RP2: variants seen among roughly 807,000 people sequenced by gnomAD.
RP2 encodes protein XRP2.
A neutral mutation model predicts 20.3 loss-of-function variants in RP2; 3 were observed. The observed-to-expected ratio is 0.15, with a 90% CI of 0.07 to 0.38. The LOEUF is 0.38. Ranked by LOEUF, RP2 falls within the 10% of genes least tolerant of loss-of-function variation. The pLI is 1.00. For synonymous variants in RP2, 75 were observed against 94.8 expected (o/e 0.79, Z 1.22); for missense variants, 233 against 268.5 (o/e 0.87, Z 0.92).
At chrX:46,871,277 C>T (rs1156771879) in intron 3 of RP2, among the ~76,000 whole-genome samples, 4 of 110,790 alleles carry the variant, frequency 3.6e-5, no homozygotes, top group African/African-American at 6.6e-5. Flanking sequence ...CCGCCTCAGC[C>T]TCCCAAAGTG....
Position 46,870,140 on chromosome X carries a change from C to T in RP2, c.884-7365C>T, listed in dbSNP as rs371236732. On this transcript the variant is annotated intron_variant, in intron 3 of 4. Coordinates refer to ENST00000218340, the MANE Select transcript of RP2 (RefSeq NM_006915.3). Reference sequence around the variant, plus strand: ...TTATTTTTTTGGAGACAGGGTCTTGCTCTGTCAGCCAGGGTAGAGTGCAGT... The same window carrying T: ...TTATTTTTTTGGAGACAGGGTCTTGTTCTGTCAGCCAGGGTAGAGTGCAGT... Among the ~76,000 whole-genome samples, 9 of 111,029 alleles carry T rather than the reference C, an allele frequency of 8.1e-5. No homozygotes were observed. In the East Asian group the frequency reaches 2.0e-3, roughly 25 times the overall value.
chrX:46,865,745 T>C (rs1925159270), intron 3 of RP2, among the ~76,000 whole-genome samples: 1 of 111,225 alleles, frequency 9.0e-6, no homozygotes, highest in African/African-American at 3.3e-5. Flanking sequence ...CTGGCCAACA[T>C]GGTGAAACCC....
intron 3 of RP2, among the ~76,000 whole-genome samples, chrX:46,871,460 G>A (rs1203725319): frequency 8.9e-6 from 1 of 112,086 alleles, no homozygotes; most frequent in Admixed American, 9.5e-5. Context: ...CTTGATCCAC[G>A]GATTATTTAG....
chrX:46,878,513 C>G (rs909589517), intron 4 of RP2, among the ~76,000 whole-genome samples: 26 of 111,480 alleles, frequency 2.3e-4, no homozygotes, highest in African/African-American at 8.5e-4. Flanking sequence ...CTATAATTGA[C>G]TACTTTTTGA....
At chrX:46,857,098 C>T (rs1556319350) in intron 2 of RP2, among the ~76,000 whole-genome samples, 1 of 110,049 alleles carries the variant, frequency 9.1e-6, no homozygotes. Flanking sequence ...AGGAGGATTA[C>T]AGAATTTTGT....
Position 46,854,790 on chromosome X carries a change from G to T in RP2, c.768+649G>T, listed in dbSNP as rs372395692. 8.9e-4 allele frequency among the ~76,000 whole-genome samples: 98 copies of T among 109,933 alleles called. 1 individual carries two copies. The South Asian group carries it at 0.035, about 40-fold the overall frequency. On this transcript the variant is annotated intron_variant, in intron 2 of 4. Coordinates refer to ENST00000218340, the MANE Select transcript of RP2 (RefSeq NM_006915.3). ...AATGCAATTTTTTTTTTTTGTGACG[G>T]GGTCTTGCTCTGTCACCCAGCCGGA... is the stretch of plus-strand genomic sequence containing the variant.
At chrX:46,868,384 G>A (rs2147086206) in intron 3 of RP2, among the ~76,000 whole-genome samples, 1 of 109,783 alleles carries the variant, frequency 9.1e-6, no homozygotes, top group African/African-American at 3.3e-5. Flanking sequence ...AAAATGAGCC[G>A]AGCATGGTGT....
rs1602356421 is a variant in RP2 at position 46,880,701 on chromosome X, A to G, written c.*932A>G. 8.9e-6 allele frequency: 1 copy of G among 112,394 alleles called. No homozygotes were observed. The highest frequency in any genetic ancestry group is 9.5e-5 in the Admixed American group (1 of 10,521). The allele number at this position is 112,394 out of a possible 1,213,427, so 9.3% of individuals were successfully genotyped here. On this transcript the variant is annotated 3_prime_UTR_variant, in exon 5 of 5. Transcript: ENST00000218340. Reference sequence around the variant, plus strand: ...TGATTTTTCATTAGATATGCCATTCATATCAAGTAATGTTCAAGTATGATA... The same window carrying G: ...TGATTTTTCATTAGATATGCCATTCGTATCAAGTAATGTTCAAGTATGATA...
chrX:46,858,917 C>T (rs2147082936), intron 2 of RP2, among the ~76,000 whole-genome samples: 1 of 111,783 alleles, frequency 8.9e-6, no homozygotes, highest in South Asian at 3.7e-4. Flanking sequence ...TTTTAGGAAT[C>T]ATTTTTAAAT....
intron 2 of RP2, among the ~76,000 whole-genome samples, chrX:46,855,999 G>A (rs1924953207): frequency 9.0e-6 from 1 of 111,259 alleles, no homozygotes; most frequent in African/African-American, 3.3e-5. Context: ...TTTCTCTTTT[G>A]CTTATGCCTA....
chrX:46,879,616 G>C, intron 4 of RP2, 70 bp from the exon 5 acceptor site: 1 of 639,499 alleles, frequency 1.6e-6, no homozygotes, highest in East Asian at 3.5e-5. Flanking sequence ...TTGTTCTGTG[G>C]AGAACATGGG....
chrX:46,860,779 T>C (rs1281451812), intron 3 of RP2, among the ~76,000 whole-genome samples: 13 of 111,997 alleles, frequency 1.2e-4, no homozygotes, highest in Non-Finnish European at 1.9e-5. Flanking sequence ...TTTCCTTGAC[T>C]GGCCTGAGCA....
chrX:46,840,173 T>A (rs889856375), intron 1 of RP2, among the ~76,000 whole-genome samples: 1 of 112,057 alleles, frequency 8.9e-6, no homozygotes, highest in African/African-American at 3.2e-5. Context: ...AGAGACAGGG[T>A]TTCACCTTGT....
At chrX:46,871,021 CT>C (rs58549261) in intron 3 of RP2, among the ~76,000 whole-genome samples, 186 of 77,344 alleles carry the variant, frequency 2.4e-3, no homozygotes, top group South Asian at 5.5e-3. Flanking sequence ...ACGCTCATTC[CT>C]TTTTTTTTTT....
intron 1 of RP2, among the ~76,000 whole-genome samples, chrX:46,843,083 C>G (rs899701747): frequency 6.6e-5 from 7 of 105,710 alleles, no homozygotes; most frequent in African/African-American, 2.4e-4. Context: ...TCTCAGCTCA[C>G]TGCAAGCTCC....
intron 3 of RP2, among the ~76,000 whole-genome samples, chrX:46,866,953 C>T (rs185634841): frequency 1.8e-5 from 2 of 111,788 alleles, no homozygotes; most frequent in African/African-American, 6.5e-5. Context: ...ACTGATTTGT[C>T]TCCTGTCCCT....
rs376275573 is a variant in RP2, at chrX:46,878,309, G to A, written c.969+719G>A. Among the ~76,000 whole-genome samples the A allele has an allele frequency of 6.6e-5, 7 of 106,208 alleles. No individual in the cohort carries two copies. In the East Asian group the frequency reaches 1.5e-3, roughly 22 times the overall value. 92.2% of individuals were successfully genotyped at this position (106,208 alleles called of 115,157 possible). ...GGAGAATGGCGTGAACCCGGGAGGCGGAGCTTGCAGTGAGCCGAGATCCCG... is the reference window on the plus strand; with the variant it reads ...GGAGAATGGCGTGAACCCGGGAGGCAGAGCTTGCAGTGAGCCGAGATCCCG... On this transcript the variant is annotated intron_variant, in intron 4 of 4. Coordinates refer to ENST00000218340, the MANE Select transcript of RP2 (RefSeq NM_006915.3).
intron 1 of RP2, among the ~76,000 whole-genome samples, chrX:46,841,823 GTTCT>G (rs1299956110): frequency 8.9e-6 from 1 of 112,294 alleles, no homozygotes; most frequent in African/African-American, 3.2e-5. Context: ...GATATAACTA[GTTCT>G]TTGTTTATTA....
In RP2 at chrX:46,853,564, T is replaced by G; in HGVS notation, c.191T>G (p.Ile64Ser). ...PGTVAGQQFLIQDCENCNIYI... is the reference protein window; with the variant it reads ...PGTVAGQQFLSQDCENCNIYI... The stretch of plus-strand genomic sequence containing the variant: ...ACGGTAGCAGGACAACAGTTTCTCA[T>G]TCAAGACTGTGAGAACTGTAACATC... The change falls in exon 2 of 5, where the codon ATT becomes AGT. Residue 64 changes from isoleucine (I) to serine (S), a missense_variant. Physicochemically the swap from Ile to Ser is moderately radical, Grantham distance 142. This residue lies in a region of RP2 where 77 missense variants were observed against 71.8 expected (regional missense o/e 1.07). Coordinates refer to ENST00000218340, the MANE Select transcript of RP2 (RefSeq NM_006915.3). 1 of 1,210,801 alleles carries G rather than the reference T, an allele frequency of 8.3e-7. No homozygotes were observed. Among genetic ancestry groups the G allele is most frequent in the Non-Finnish European group, 1.1e-6 (1 of 894,611 alleles).
Sources: gnomAD v4.1 joint callset for allele counts (sites outside exome capture counted in the v4.1 genomes callset) on GRCh38, gnomAD v4.1.1 for gene constraint, gnomAD v4.1.1 regional missense constraint, MANE v1.5 for transcripts, NCBI Gene and HGNC (gene_info 2026-07-23, HGNC 2026-07-21) for gene names.